The following ASCC3 variants were observed in gnomAD, a reference collection of about 807,000 sequenced individuals.
ASCC3 encodes activating signal cointegrator 1 complex subunit 3, also known as ASC-1 complex subunit P200.
In ASCC3, 158 loss-of-function variants were observed where a neutral mutation model predicts 256.3. The observed-to-expected ratio is 0.62, with a 90% CI of 0.54 to 0.70. The LOEUF (loss-of-function observed/expected upper bound fraction) is 0.70, where lower values mean the gene tolerates loss of function less well. Among genes scored for constraint, ASCC3 ranks in the 30% least tolerant of loss-of-function variants. The pLI, the probability that ASCC3 is intolerant of heterozygous loss-of-function variation, is 0.00. For synonymous variants in ASCC3, 948 were observed against 883.4 expected (o/e 1.07, Z -1.30); for missense variants, 2,259 against 2,626.0 (o/e 0.86, Z 3.05).
At chr6:100,782,437 A>C (rs1263450775) in intron 8 of ASCC3, among the ~76,000 whole-genome samples, 1 of 152,176 alleles carries the variant, frequency 6.6e-6, no homozygotes, top group Non-Finnish European at 1.5e-5. Context: ...TTTCTAGTGA[A>C]CACAAATGCA....
intron 36 of ASCC3, among the ~76,000 whole-genome samples, chr6:100,580,418 G>A (rs970970215): frequency 2.1e-4 from 32 of 151,934 alleles, no homozygotes; most frequent in Non-Finnish European, 3.2e-4. Context: ...GATAATTGAA[G>A]AGAAATAATG....
intron 36 of ASCC3, among the ~76,000 whole-genome samples, chr6:100,567,148 C>A (rs1481927651): frequency 6.6e-6 from 1 of 151,816 alleles, no homozygotes; most frequent in Non-Finnish European, 1.5e-5. Context: ...AGACAATAAA[C>A]ACATAATCAA....
At chr6:100,604,454 C>A (rs186677364) in intron 33 of ASCC3, among the ~76,000 whole-genome samples, 1 of 144,466 alleles carries the variant, frequency 6.9e-6, no homozygotes, top group Admixed American at 6.9e-5. Context: ...ATTTTTTTTT[C>A]TTTTTCCTTT....
chr6:100,650,729 G>T lies in ASCC3; in HGVS notation c.3076-15C>A. On this transcript the variant is annotated splice_polypyrimidine_tract_variant and intron_variant, in intron 19 of 41. Coordinates refer to ENST00000369162, the MANE Select transcript of ASCC3 (RefSeq NM_006828.4). The stretch of plus-strand genomic sequence containing the variant: ...TCTTCTCTGACCTAGAAGAATCAAT[G>T]TATTTATTGGAATTTTGGGGCTGAT... The T allele has an allele frequency of 6.3e-7, 1 of 1,594,394 alleles. No homozygotes were observed. The highest frequency in any genetic ancestry group is 8.6e-7 in the Non-Finnish European group (1 of 1,164,050).
Position 100,601,665 on chromosome 6 carries a change from C to A in ASCC3, c.5303+145G>T, listed in dbSNP as rs1772621623. 8.2e-6 allele frequency: 7 copies of A among 852,774 alleles called. No individual in the cohort carries two copies. In the Admixed American group the frequency reaches 1.5e-4, roughly 18 times the overall value. 52.8% of individuals were successfully genotyped at this position (852,774 alleles called of 1,614,324 possible). A position where few individuals can be genotyped will look rare whatever the true frequency, so the allele number is the denominator to read the frequency against. On this transcript the variant is annotated intron_variant, in intron 34 of 41. Coordinates refer to ENST00000369162, the MANE Select transcript of ASCC3 (RefSeq NM_006828.4). ...TTATATACTGTGATACCAGAGATAT[C>A]ATCTGATTCTTTAGACAAATTCATA...
At chr6:100,642,889 C>T (rs1027715242) in intron 23 of ASCC3, 140 bp from the exon 24 acceptor site, 23 of 886,950 alleles carry the variant, frequency 2.6e-5, no homozygotes, top group Non-Finnish European at 3.6e-5. Context: ...CTGAGATATT[C>T]GGAAACTTTA....
chr6:100,740,737 T>C (rs1319040376), intron 10 of ASCC3, among the ~76,000 whole-genome samples: 3 of 152,226 alleles, frequency 2.0e-5, no homozygotes, highest in Non-Finnish European at 2.9e-5. Flanking sequence ...TGGCAACCCC[T>C]GCTTTTTTCT....
chr6:100,597,747 C>T (rs1001959042), intron 34 of ASCC3, among the ~76,000 whole-genome samples: 4 of 146,700 alleles, frequency 2.7e-5, no homozygotes, highest in African/African-American at 1.0e-4. Flanking sequence ...CCGAGATGGG[C>T]GGTTCACGAG....
At chr6:100,578,980 C>T (rs1771036247) in intron 36 of ASCC3, among the ~76,000 whole-genome samples, 1 of 152,106 alleles carries the variant, frequency 6.6e-6, no homozygotes, top group Non-Finnish European at 1.5e-5. Context: ...TGCATCCTCA[C>T]CAGCATCTGT....
intron 4 of ASCC3, among the ~76,000 whole-genome samples, chr6:100,841,257 T>C (rs2114486143): frequency 6.6e-6 from 1 of 152,294 alleles, no homozygotes; most frequent in South Asian, 2.1e-4. Flanking sequence ...AGTTCAGGTA[T>C]GCAGACCCTG....
intron 36 of ASCC3, among the ~76,000 whole-genome samples, chr6:100,549,635 A>G (rs1046625351): frequency 6.6e-6 from 1 of 151,878 alleles, no homozygotes; most frequent in African/African-American, 2.4e-5. Context: ...CAAAGTCCCC[A>G]TCAGAAAGTT....
intron 33 of ASCC3, among the ~76,000 whole-genome samples, chr6:100,605,293 G>T (rs1772824326): frequency 6.6e-6 from 1 of 152,132 alleles, no homozygotes; most frequent in South Asian, 2.1e-4. Flanking sequence ...TCAAGATCAA[G>T]CAAGTAAATG....
At chr6:100,547,605 T>A (rs1582427099) in intron 36 of ASCC3, among the ~76,000 whole-genome samples, 2 of 152,034 alleles carry the variant, frequency 1.3e-5, no homozygotes, top group Non-Finnish European at 1.5e-5. Context: ...AAAATATAAA[T>A]TAGAATGGCC....
At chr6:100,865,062 C>T (rs1773414055) in intron 2 of ASCC3, among the ~76,000 whole-genome samples, 1 of 152,142 alleles carries the variant, frequency 6.6e-6, no homozygotes, top group African/African-American at 2.4e-5. Flanking sequence ...CATTACTTCC[C>T]TGCCTCCATT....
chr6:100,813,486 C>T (rs530731528), intron 4 of ASCC3, among the ~76,000 whole-genome samples: 15 of 151,552 alleles, frequency 9.9e-5, no homozygotes, highest in African/African-American at 3.6e-4. Context: ...AAAAAAAACA[C>T]AAAAAACCTA....
chr6:100,679,841 T>G, intron 13 of ASCC3, 89 bp from the exon 14 acceptor site: 1 of 1,390,588 alleles, frequency 7.2e-7, no homozygotes, highest in South Asian at 1.2e-5. Flanking sequence ...TATAAACAAC[T>G]ATTAATTTCT....
At chr6:100,641,156 G>GA (rs937869927) in intron 24 of ASCC3, among the ~76,000 whole-genome samples, 1 of 152,092 alleles carries the variant, frequency 6.6e-6, no homozygotes, top group African/African-American at 2.4e-5. Context: ...ATTTATTCCT[G>GA]AAAAATCTGC....
At chr6:100,879,939 C>G (rs555443215) in intron 1 of ASCC3, among the ~76,000 whole-genome samples, 9 of 152,228 alleles carry the variant, frequency 5.9e-5, no homozygotes, top group Admixed American at 3.3e-4. Context: ...GAACCCTAGT[C>G]AAGATTCTGT....
At chr6:100,866,605 A>G (rs1400094589) in intron 2 of ASCC3, among the ~76,000 whole-genome samples, 1 of 152,224 alleles carries the variant, frequency 6.6e-6, no homozygotes, top group Non-Finnish European at 1.5e-5. Context: ...TAAAGCCCTT[A>G]GAGTGGGACT....
Sources: allele counts gnomAD v4.1 joint callset (sites outside exome capture counted in the v4.1 genomes callset), GRCh38; gene constraint gnomAD v4.1.1; transcripts MANE v1.5; gene names NCBI Gene and HGNC (gene_info 2026-07-23, HGNC 2026-07-21).